Variants in CREM observed in about 807,000 individuals in gnomAD.
The protein encoded by CREM is cAMP-responsive element modulator.
A neutral mutation model predicts 37.3 loss-of-function variants in CREM; 13 were observed. That is an observed-to-expected ratio of 0.35 (90% CI 0.23 to 0.55). The LOEUF (loss-of-function observed/expected upper bound fraction) is 0.55. CREM is among the 20% of genes least tolerant of loss of function. CREM has a pLI of 0.88. For synonymous variants in CREM, 124 were observed against 120.2 expected, an observed-to-expected ratio of 1.03 and a Z score of -0.21; for missense variants, 296 against 362.3, an observed-to-expected ratio of 0.82 and a Z score of 1.49.
Position 35,190,824 on chromosome 10 carries a change from A to G in CREM, c.598+2436A>G, listed in dbSNP as rs1387209278. ...CTACAGGCGCCTGCCACCATGTCCG[A>G]CTAATTTTTTTGTATTTTTAGTAGA... is the stretch of plus-strand genomic sequence containing the variant. On this transcript the variant is annotated intron_variant, in intron 6 of 7. Coordinates refer to ENST00000685392, the MANE Select transcript of CREM (RefSeq NM_183011.2). 2.0e-5 allele frequency among the ~76,000 whole-genome samples: 3 copies of G among 151,922 alleles called. No individual in the cohort carries two copies. In the East Asian group the frequency reaches 5.8e-4, roughly 29 times the overall value.
intron 3 of CREM, among the ~76,000 whole-genome samples, chr10:35,156,162 A>G (rs2092900765): frequency 6.6e-6 from 1 of 150,564 alleles, no homozygotes; most frequent in Non-Finnish European, 1.5e-5. Context: ...GATGGTCTCA[A>G]TCTCCTGACC....
intron 2 of CREM, 78 bp downstream of exon 2, chr10:35,137,957 G>A: frequency 9.3e-7 from 1 of 1,072,342 alleles, no homozygotes; most frequent in Non-Finnish European, 1.4e-6. Flanking sequence ...TTGATATATA[G>A]ATGTACACAT....
chr10:35,142,520 T>C (rs1344171746), intron 2 of CREM, among the ~76,000 whole-genome samples: 1 of 152,080 alleles, frequency 6.6e-6, no homozygotes, highest in African/African-American at 2.4e-5. Flanking sequence ...TTTGAAACAG[T>C]TGTTGAGAAT....
intron 6 of CREM, among the ~76,000 whole-genome samples, chr10:35,193,514 T>C (rs2095007830): frequency 1.3e-5 from 2 of 152,188 alleles, no homozygotes; most frequent in Admixed American, 1.3e-4. Context: ...CCCTCAGGTG[T>C]GACTGGGACA....
At chr10:35,180,779 C>T (rs2094318882) in intron 5 of CREM, among the ~76,000 whole-genome samples, 1 of 152,208 alleles carries the variant, frequency 6.6e-6, no homozygotes, top group Non-Finnish European at 1.5e-5. Flanking sequence ...GCACAGCACG[C>T]AGGTTATGAG....
At chr10:35,178,664 G>A (rs371588763) in intron 3 of CREM, among the ~76,000 whole-genome samples, 2 of 152,162 alleles carry the variant, frequency 1.3e-5, no homozygotes, top group South Asian at 2.1e-4. Flanking sequence ...TAGAGTACCC[G>A]TAACATTCCT....
chr10:35,168,673 A>G (rs2093665132), intron 3 of CREM, among the ~76,000 whole-genome samples: 2 of 152,320 alleles, frequency 1.3e-5, no homozygotes, highest in South Asian at 4.1e-4. Flanking sequence ...GTCCTTGCCC[A>G]TGCCTATGTC....
chr10:35,132,272 A>C (rs1208683511), intron 1 of CREM, among the ~76,000 whole-genome samples: 2 of 151,768 alleles, frequency 1.3e-5, no homozygotes, highest in Non-Finnish European at 2.9e-5. Context: ...GAGGTGTTTG[A>C]AAGGATGGAG....
At chr10:35,138,634 C>G (rs1283428549) in intron 2 of CREM, among the ~76,000 whole-genome samples, 1 of 150,352 alleles carries the variant, frequency 6.7e-6, no homozygotes, top group East Asian at 2.0e-4. Context: ...TCAAGGGATT[C>G]TCCTGCCTCA....
intron 3 of CREM, among the ~76,000 whole-genome samples, chr10:35,160,660 C>G (rs114846655): frequency 6.6e-6 from 1 of 152,200 alleles, no homozygotes; most frequent in African/African-American, 2.4e-5. Flanking sequence ...TGAACTGTAG[C>G]TTACTGTAAG....
chr10:35,212,445 A>T lies in CREM; in HGVS notation c.*1047A>T, dbSNP rs957793820. The T allele has an allele frequency of 6.5e-6, 1 of 152,764 alleles. No individual in the cohort carries two copies. Among genetic ancestry groups the T allele is most frequent in the African/African-American group, 2.4e-5 (1 of 41,458 alleles). 9.5% of individuals were successfully genotyped at this position (152,764 alleles called of 1,614,324 possible). Reference sequence around the variant, plus strand: ...ACTACAGTTTTTAACTCTACTGTGTAATATAAAAGATCTTGCAGAAGTTCT... The same window carrying T: ...ACTACAGTTTTTAACTCTACTGTGTTATATAAAAGATCTTGCAGAAGTTCT... On this transcript the variant is annotated 3_prime_UTR_variant, in exon 8 of 8. Coordinates refer to ENST00000685392, the MANE Select transcript of CREM (RefSeq NM_183011.2).
chr10:35,204,642 T>G (rs927193564), intron 6 of CREM, among the ~76,000 whole-genome samples: 2 of 151,958 alleles, frequency 1.3e-5, no homozygotes, highest in Non-Finnish European at 2.9e-5. Flanking sequence ...TCACCAATGT[T>G]TTAAAATTAC....
intron 7 of CREM, among the ~76,000 whole-genome samples, chr10:35,209,121 C>T (rs1223495040): frequency 6.6e-6 from 1 of 152,192 alleles, no homozygotes; most frequent in Non-Finnish European, 1.5e-5. Flanking sequence ...GTCCTCTATA[C>T]CAGCATCAGG....
At chr10:35,204,683 A>G (rs1434765657) in intron 6 of CREM, among the ~76,000 whole-genome samples, 1 of 152,188 alleles carries the variant, frequency 6.6e-6, no homozygotes, top group Non-Finnish European at 1.5e-5. Context: ...ACAACCTTAT[A>G]AACAATATTT....
At chr10:35,188,963 C>T (rs186804086) in intron 6 of CREM, among the ~76,000 whole-genome samples, 41 of 152,158 alleles carry the variant, frequency 2.7e-4, no homozygotes, top group Non-Finnish European at 5.4e-4. Flanking sequence ...CGTGAGCCAC[C>T]GCACCCGGCC....
rs1035333360 is a variant in CREM at position 35,176,005 on chromosome 10, C to T, written c.169-2884C>T. 5 of 1,545,916 alleles carry T rather than the reference C, an allele frequency of 3.2e-6. No homozygotes were observed. The African/African-American group carries it at 5.5e-5, about 17-fold the overall frequency. ...CAGAAATACACACCGTTCAGGTTAG[C>T]TTCCTTCCTGAATGGTTTTGTCTTT... On this transcript the variant is annotated intron_variant, in intron 3 of 7. Transcript: ENST00000685392.
chr10:35,142,577 A>G (rs2091574641), intron 2 of CREM, among the ~76,000 whole-genome samples: 1 of 152,192 alleles, frequency 6.6e-6, no homozygotes, highest in South Asian at 2.1e-4. Context: ...TTTGCCGCCC[A>G]TTTGAGGTTG....
intron 5 of CREM, among the ~76,000 whole-genome samples, chr10:35,181,176 G>C (rs2094336647): frequency 6.6e-6 from 1 of 152,208 alleles, no homozygotes; most frequent in South Asian, 2.1e-4. Flanking sequence ...AAGCTGGAGA[G>C]GATGTGGAAG....
chr10:35,193,719 TTAC>T, intron 6 of CREM, among the ~76,000 whole-genome samples: 1 of 152,140 alleles, frequency 6.6e-6, no homozygotes, highest in South Asian at 2.1e-4. Context: ...GTCCTTACCT[TTAC>T]TGGAAGATGA....
Sources: gnomAD v4.1 joint callset for allele counts (sites outside exome capture counted in the v4.1 genomes callset) on GRCh38, gnomAD v4.1.1 for gene constraint, MANE v1.5 for transcripts, NCBI Gene and HGNC (gene_info 2026-07-23, HGNC 2026-07-21) for gene names.